The following HYOU1 variants were observed in gnomAD, a reference collection of about 807,000 sequenced individuals.
HYOU1 encodes hypoxia up-regulated protein 1.
Under a neutral mutation model 120.5 loss-of-function variants are expected in HYOU1, and 40 were observed. That is an observed-to-expected ratio of 0.33 (90% CI 0.26 to 0.43). HYOU1 has a LOEUF of 0.43. HYOU1 is among the 20% of genes least tolerant of loss of function. The pLI, the probability that HYOU1 is intolerant of heterozygous loss-of-function variation, is 1.00. For missense variants in HYOU1, 1,085 were observed against 1,278.3 expected (o/e 0.85, Z 2.31); for synonymous variants, 501 against 479.4 (o/e 1.05, Z -0.59).
chr11:119,054,023 G>T, intron 8 of HYOU1, 98 bp downstream of exon 8: 1 of 724,466 alleles, frequency 1.4e-6, no homozygotes, highest in Non-Finnish European at 2.4e-6. Flanking sequence ...GACCATTCCT[G>T]CAGCATGCAG....
intron 7 of HYOU1, 80 bp downstream of exon 7, chr11:119,054,414 C>A (rs1295636297): frequency 1.4e-6 from 2 of 1,464,830 alleles, no homozygotes; most frequent in Non-Finnish European, 9.5e-7. Flanking sequence ...GCCATGCAAA[C>A]CAGATGCAAA....
chr11:119,053,977 A>T, intron 8 of HYOU1, 144 bp downstream of exon 8: 1 of 601,156 alleles, frequency 1.7e-6, no homozygotes, highest in Non-Finnish European at 3.0e-6. Context: ...ACTCTTTGTG[A>T]GTGGTCCCCT....
At position 119,045,821 on chromosome 11, in the gene HYOU1, T is replaced by C. The variant is rs2133545137; in HGVS notation, c.2898A>G (p.Pro966=). The change falls in exon 25 of 26, where the codon CCA becomes CCG. Residue 966 remains proline (P), a synonymous_variant. Coordinates refer to ENST00000617285, the MANE Select transcript of HYOU1 (RefSeq NM_006389.5). ...EPEKVETGSE[P]GDTEPLELGG... is the part of the protein sequence containing the mutation. ...CTAACTCCAAAGGCTCAGTGTCTCC[T>C]GGCTCGGATCCTGCTTTGGGAAGAA... The C allele has an allele frequency of 6.2e-7, 1 of 1,612,766 alleles. No homozygotes were observed. The highest frequency in any genetic ancestry group is 1.7e-5 in the Admixed American group (1 of 59,474).
chr11:119,054,797 T>C, intron 6 of HYOU1, 122 bp from the exon 7 acceptor site: 7 of 1,155,654 alleles, frequency 6.1e-6, no homozygotes, highest in Admixed American at 4.5e-5. Flanking sequence ...CTGTGCACTG[T>C]AGGATGTTGA....
rs2133611640 is a variant in HYOU1 at position 119,055,259 on chromosome 11, A to G, written c.345T>C (p.Leu115=). 1 of 1,614,180 alleles carries G rather than the reference A, an allele frequency of 6.2e-7. No individual in the cohort carries two copies. The highest frequency in any genetic ancestry group is 1.1e-5 in the South Asian group (1 of 91,084). The stretch of plus-strand genomic sequence containing the variant: ...CGTGCTCCGGGAAGCGGGCCTGGTA[A>G]AGAGCTACATGGGGGTTATCTGCCT... ...GKQADNPHVA[L]YQARFPEHEL... Residue 115 remains leucine (L), a synonymous_variant, in exon 5 of 26, where the codon CTT becomes CTC. Coordinates refer to ENST00000617285, the MANE Select transcript of HYOU1 (RefSeq NM_006389.5). The surrounding 1 kb of genome is among the most constrained non-coding windows in gnomAD (Gnocchi z 4.0).
chr11:119,055,796 C>A lies in HYOU1; in HGVS notation c.139G>T (p.Val47Leu), dbSNP rs782513280. Residue 47 changes from valine to leucine, a missense_variant, in exon 3 of 26, where the codon GTG (valine) becomes TTG (leucine). Physicochemically the swap from Val to Leu is conservative, Grantham distance 32 (BLOSUM62 1). This residue lies in a region of HYOU1 where 9 missense variants were observed against 34.3 expected (regional missense o/e 0.26). Transcript: ENST00000617285. The surrounding 1 kb of genome is among the most constrained non-coding windows in gnomAD (Gnocchi z 4.0). The stretch of plus-strand genomic sequence containing the variant: ...GGCACTCCAGGTTTGACAATGGCCA[C>A]CTTCATGGACTCACTGCCCAGGTCC... The part of the protein sequence containing the change: ...SVDLGSESMK[V>L]AIVKPGVPME... 1.2e-6 allele frequency: 2 copies of A among 1,614,052 alleles called. No individual in the cohort carries two copies. The highest frequency in any genetic ancestry group is 1.7e-6 in the Non-Finnish European group (2 of 1,180,010).
In HYOU1 at chr11:119,051,969, C is replaced by A. The variant is rs2133589273; in HGVS notation, c.1206-18G>T. The A allele has an allele frequency of 6.2e-7, 1 of 1,614,096 alleles. No homozygotes were observed. The highest frequency in any genetic ancestry group is 8.5e-7 in the Non-Finnish European group (1 of 1,179,976). ...GCTCCTCCCTGGGAAAGCCCCAAGCCTCAGCACGGTCTACCCTGGAGCATG... is the reference window on the plus strand; with the variant it reads ...GCTCCTCCCTGGGAAAGCCCCAAGCATCAGCACGGTCTACCCTGGAGCATG... On this transcript the variant is annotated intron_variant, in intron 11 of 25. Coordinates refer to ENST00000617285, the MANE Select transcript of HYOU1 (RefSeq NM_006389.5). This position sits in a 1 kb window ranked among gnomAD's most constrained non-coding sequence, Gnocchi z 4.2.
chr11:119,049,523 C>T (rs781809708), intron 16 of HYOU1, 33 bp downstream of exon 16: 1 of 1,609,490 alleles, frequency 6.2e-7, no homozygotes, highest in Non-Finnish European at 8.5e-7. Context: ...CCCCACCGTC[C>T]TCCATGCTTC....
At position 119,051,129 on chromosome 11, in the gene HYOU1, A is replaced by G; in HGVS notation, c.1571T>C (p.Val524Ala). 1.2e-6 allele frequency: 2 copies of G among 1,613,726 alleles called. No homozygotes were observed. The highest frequency in any genetic ancestry group is 1.7e-6 in the Non-Finnish European group (2 of 1,179,936). ...QNLTTVKLKG[V>A]GDSFKKYPDY... ...AGGATACTTCTTGAAGCTGTCACCC[A>G]CCCCTTTTAGCTTCACTGTGGTCAG... The change falls in exon 14 of 26, where the codon GTG becomes GCG. Residue 524 changes from valine (V) to alanine (A), a missense_variant. This residue lies in a region of HYOU1 where 515 missense variants were observed against 677.8 expected (regional missense o/e 0.76). Coordinates refer to ENST00000617285, the MANE Select transcript of HYOU1 (RefSeq NM_006389.5). The surrounding 1 kb of genome is among the most constrained non-coding windows in gnomAD (Gnocchi z 4.2).
intron 16 of HYOU1, 86 bp from the exon 17 acceptor site, chr11:119,049,289 G>T (rs1450494261): frequency 6.3e-7 from 1 of 1,582,036 alleles, no homozygotes; most frequent in Non-Finnish European, 8.6e-7. Context: ...CCCCATGGGG[G>T]TTCCATACAG....
chr11:119,046,466 G>C lies in HYOU1; in HGVS notation c.2838C>G (p.Gly946=), dbSNP rs2133550028. Residue 946 remains glycine (G), a splice_region_variant and synonymous_variant, in exon 24 of 26, where the codon GGC becomes GGG. Coordinates refer to ENST00000617285, the MANE Select transcript of HYOU1 (RefSeq NM_006389.5). ...AAATGGGCTCTGCATCTTCAGTCTG[G>C]CCTAGAAGGAAACCAGGGGTAAGAC... ...DQGEKVIPPA[G]QTEDAEPISE... is the part of the protein sequence containing the mutation. 46 of 1,613,942 alleles carry C rather than the reference G, an allele frequency of 2.9e-5. No homozygotes were observed. The highest frequency in any genetic ancestry group is 3.7e-5 in the Non-Finnish European group (44 of 1,180,020).
At position 119,048,176 on chromosome 11, in the gene HYOU1, TTCTC is replaced by T. The variant is rs1350937855; in HGVS notation, c.2376+68_2376+71del. 1.2e-6 allele frequency: 2 copies of T among 1,608,728 alleles called. No individual in the cohort carries two copies. Among genetic ancestry groups the T allele is most frequent in the Non-Finnish European group, 1.7e-6 (2 of 1,178,034 alleles). Reference sequence around the variant, plus strand: ...TCTTTATGGGCTCAAGCCCCAGCTCTTCTCTCTCTCTGACCCTGGGAGAGGAAGG... The same window carrying T: ...TCTTTATGGGCTCAAGCCCCAGCTCTTCTCTCTGACCCTGGGAGAGGAAGG... On this transcript the variant is annotated intron_variant, in intron 20 of 25. Transcript: ENST00000617285. This position sits in a 1 kb window ranked among gnomAD's most constrained non-coding sequence, Gnocchi z 4.7.
chr11:119,045,880 T>C (rs1257971154), intron 24 of HYOU1, 49 bp from the exon 25 acceptor site: 8 of 1,592,596 alleles, frequency 5.0e-6, no homozygotes, highest in Non-Finnish European at 6.9e-6. Flanking sequence ...AGGAAGAGGC[T>C]AAGGGAAGGC....
At position 119,051,131 on chromosome 11, in the gene HYOU1, C is replaced by T. The variant is rs1944413057; in HGVS notation, c.1569G>A (p.Gly523=). 1.2e-6 allele frequency: 2 copies of T among 1,614,210 alleles called. No homozygotes were observed. Among genetic ancestry groups the T allele is most frequent in the East Asian group, 2.2e-5 (1 of 44,886 alleles). ...GATACTTCTTGAAGCTGTCACCCAC[C>T]CCTTTTAGCTTCACTGTGGTCAGAT... The part of the protein sequence containing the change: ...SQNLTTVKLK[G]VGDSFKKYPD... Residue 523 remains glycine (G), a synonymous_variant, in exon 14 of 26, where the codon GGG becomes GGA. Transcript: ENST00000617285. The surrounding 1 kb of genome is among the most constrained non-coding windows in gnomAD (Gnocchi z 4.2).
At position 119,048,109 on chromosome 11, in the gene HYOU1, TG is replaced by T. The variant is rs2133561124; in HGVS notation, c.2377-30del. On this transcript the variant is annotated intron_variant, in intron 20 of 25. Transcript: ENST00000617285. This position sits in a 1 kb window ranked among gnomAD's most constrained non-coding sequence, Gnocchi z 4.7. Reference sequence around the variant, plus strand: ...ATGGATGTGCGATTGGGCAGAGGGGTGGAAGGGACGACAGCAGAGCCTGGAG... The same window carrying T: ...ATGGATGTGCGATTGGGCAGAGGGGTGAAGGGACGACAGCAGAGCCTGGAG... 1.2e-6 allele frequency: 2 copies of T among 1,613,400 alleles called. No homozygotes were observed. Among genetic ancestry groups the T allele is most frequent in the Non-Finnish European group, 8.5e-7 (1 of 1,180,012 alleles).
At position 119,052,083 on chromosome 11, in the gene HYOU1, C is replaced by T. The variant is rs2133590168; in HGVS notation, c.1205+7G>A. ...ACTCAGCCAAGCGCTCTAGCCCCCA[C>T]ACTCACTTGCCCACGGCCTTCAGCA... On this transcript the variant is annotated splice_region_variant and intron_variant, in intron 11 of 25. Coordinates refer to ENST00000617285, the MANE Select transcript of HYOU1 (RefSeq NM_006389.5). The surrounding 1 kb of genome is among the most constrained non-coding windows in gnomAD (Gnocchi z 5.0). 5 of 1,614,050 alleles carry T rather than the reference C, an allele frequency of 3.1e-6. No individual in the cohort carries two copies. The highest frequency in any genetic ancestry group is 1.1e-5 in the South Asian group (1 of 91,086).
At position 119,045,532 on chromosome 11, in the gene HYOU1, TA is replaced by T; in HGVS notation, c.*60del. ...CAACCCCTCCCCCAACCCTCGATGT[TA>T]AATAAATAGAAGTGGTGGGGGAAGG... On this transcript the variant is annotated 3_prime_UTR_variant, in exon 26 of 26. Coordinates refer to ENST00000617285, the MANE Select transcript of HYOU1 (RefSeq NM_006389.5). 7.0e-7 allele frequency: 1 copy of T among 1,424,118 alleles called. No individual in the cohort carries two copies. The highest frequency in any genetic ancestry group is 9.9e-7 in the Non-Finnish European group (1 of 1,006,624). The allele number at this position is 1,424,118 out of a possible 1,614,324, so 88.2% of individuals were successfully genotyped here.
Position 119,045,107 on chromosome 11 carries a change from T to A in HYOU1, c.*486A>T, listed in dbSNP as rs1417920966. On this transcript the variant is annotated 3_prime_UTR_variant, in exon 26 of 26. Transcript: ENST00000617285. Reference sequence around the variant, plus strand: ...CCGCAGAGGGAGGAAAGAGCACAGATAGGCACTCAGAAACCAAACCTGGTA... The same window carrying A: ...CCGCAGAGGGAGGAAAGAGCACAGAAAGGCACTCAGAAACCAAACCTGGTA... 4.4e-6 allele frequency: 2 copies of A among 455,004 alleles called. No homozygotes were observed. Among genetic ancestry groups the A allele is most frequent in the South Asian group, 3.1e-5 (2 of 64,542 alleles). The allele number at this position is 455,004 out of a possible 1,614,324, so 28.2% of individuals were successfully genotyped here.
rs111905957 is a variant in HYOU1, at chr11:119,051,214, A to G, written c.1527-41T>C. 150 of 1,611,940 alleles carry G rather than the reference A, an allele frequency of 9.3e-5. 3 individuals carry two copies. The African/African-American group carries it at 1.7e-3, about 18-fold the overall frequency. On this transcript the variant is annotated intron_variant, in intron 13 of 25. Transcript: ENST00000617285. The surrounding 1 kb of genome is among the most constrained non-coding windows in gnomAD (Gnocchi z 4.2). ...AGAGGAGTTCAGGGGGACCCACCCC[A>G]GCCCATCTCGCCCTCTAGACTACAT...
Sources: allele counts gnomAD v4.1 joint callset, GRCh38; gene constraint gnomAD v4.1.1; regional missense constraint gnomAD v4.1.1; non-coding constraint Gnocchi (gnomAD v3.1); transcripts MANE v1.5; gene names NCBI Gene and HGNC (gene_info 2026-07-23, HGNC 2026-07-21).